Variants in BMPR1A observed in about 807,000 individuals in gnomAD.
BMPR1A encodes the protein bone morphogenetic protein receptor type 1A, also known as bone morphogenetic protein receptor type-1A.
A neutral mutation model predicts 66.0 loss-of-function variants in BMPR1A; 7 were observed. The observed-to-expected ratio is 0.11, with a 90% CI of 0.06 to 0.20. BMPR1A has a LOEUF of 0.20. BMPR1A is among the 10% of genes least tolerant of loss of function. The pLI is 1.00. For missense variants in BMPR1A, 408 were observed against 669.1 expected, an observed-to-expected ratio of 0.61 and a Z score of 4.31; for synonymous variants, 200 against 229.7, an observed-to-expected ratio of 0.87 and a Z score of 1.17.
intron 1 of BMPR1A, among the ~76,000 whole-genome samples, chr10:86,764,619 G>C (rs1193019121): frequency 1.3e-5 from 2 of 152,090 alleles, no homozygotes; most frequent in Non-Finnish European, 1.5e-5. Flanking sequence ...ATCTTGGACT[G>C]GTCTCCTGCT....
chr10:86,914,474 G>A (rs543552242), intron 8 of BMPR1A, among the ~76,000 whole-genome samples: 1 of 152,090 alleles, frequency 6.6e-6, no homozygotes, highest in Non-Finnish European at 1.5e-5. Flanking sequence ...TGGCAAAACA[G>A]ATCTGATACA....
chr10:86,868,716 A>G (rs1358154565), intron 2 of BMPR1A, among the ~76,000 whole-genome samples: 1 of 151,832 alleles, frequency 6.6e-6, no homozygotes, highest in Non-Finnish European at 1.5e-5. Flanking sequence ...GCTTAACAGG[A>G]AGAGGAAGGA....
chr10:86,804,792 G>GTTTTTTTT (rs5786747), intron 1 of BMPR1A, among the ~76,000 whole-genome samples: 5 of 57,254 alleles, frequency 8.7e-5, no homozygotes, highest in Admixed American at 1.8e-4. Context: ...GTTTGTAGGT[G>GTTTTTTTT]TTTTTTTTTT....
intron 1 of BMPR1A, among the ~76,000 whole-genome samples, chr10:86,797,039 T>C (rs1430235211): frequency 1.3e-5 from 2 of 150,616 alleles, no homozygotes; most frequent in African/African-American, 4.9e-5. Context: ...GTTTATACTC[T>C]TATTTTTCCT....
intron 1 of BMPR1A, among the ~76,000 whole-genome samples, chr10:86,828,145 C>G (rs554357441): frequency 2.6e-5 from 4 of 152,320 alleles, no homozygotes; most frequent in Admixed American, 2.6e-4. Context: ...GAGTGAGACT[C>G]TGTCTCAAGG....
At chr10:86,806,730 T>TA (rs1219959880) in intron 1 of BMPR1A, among the ~76,000 whole-genome samples, 7 of 151,934 alleles carry the variant, frequency 4.6e-5, no homozygotes, top group Admixed American at 3.9e-4. Flanking sequence ...TTTTTTTTTT[T>TA]AAAGTATAAA....
At chr10:86,846,125 A>G (rs528073224) in intron 2 of BMPR1A, among the ~76,000 whole-genome samples, 4 of 152,302 alleles carry the variant, frequency 2.6e-5, no homozygotes, top group African/African-American at 9.6e-5. Flanking sequence ...AGAATGCTCT[A>G]AGAGCCCTCA....
chr10:86,881,177 G>A (rs1479036696), intron 3 of BMPR1A, among the ~76,000 whole-genome samples: 1 of 152,180 alleles, frequency 6.6e-6, no homozygotes, highest in Admixed American at 6.5e-5. Flanking sequence ...GGAGCTTGAG[G>A]CTGCAGTGAA....
chr10:86,792,709 A>C (rs1439268149), intron 1 of BMPR1A, among the ~76,000 whole-genome samples: 1 of 152,212 alleles, frequency 6.6e-6, no homozygotes, highest in Non-Finnish European at 1.5e-5. Context: ...AGCAATTACT[A>C]TATGCAGGGC....
intron 2 of BMPR1A, chr10:86,856,123 T>G: frequency 1.9e-6 from 1 of 521,444 alleles, no homozygotes; most frequent in South Asian, 1.5e-5. Flanking sequence ...TTTATTGGTT[T>G]TGAAATTTTA....
intron 1 of BMPR1A, among the ~76,000 whole-genome samples, chr10:86,791,850 T>C (rs764778528): frequency 4.7e-5 from 7 of 148,618 alleles, no homozygotes; most frequent in Non-Finnish European, 7.4e-5. Flanking sequence ...CCTTCCCGAG[T>C]AGCTGGGACT....
At chr10:86,911,997 T>G (rs1843496458) in intron 7 of BMPR1A, among the ~76,000 whole-genome samples, 1 of 152,224 alleles carries the variant, frequency 6.6e-6, no homozygotes, top group African/African-American at 2.4e-5. Context: ...ACTTCACATC[T>G]GATTTTGATA....
At chr10:86,855,311 C>T (rs1842625918) in intron 2 of BMPR1A, 3 of 983,228 alleles carry the variant, frequency 3.1e-6, no homozygotes, top group Middle Eastern at 2.3e-4. Flanking sequence ...ATCAAAGTCT[C>T]CTTCAAAACT....
Position 86,890,142 on chromosome 10 carries a change from T to C in BMPR1A, c.148T>C (p.Leu50=), listed in dbSNP as rs964544915. The change falls in exon 4 of 13, where the codon TTA becomes CTA. Residue 50 remains leucine (L), a synonymous_variant. Coordinates refer to ENST00000372037, the MANE Select transcript of BMPR1A (RefSeq NM_004329.3). ...DQKKSENGVT[L]APEDTLPFLK... is the part of the protein sequence containing the mutation. ...GAAAAAGTCAGAAAATGGAGTAACC[T>C]TAGCACCAGAGGATACCTTGCCTTT... 3.1e-6 allele frequency: 5 copies of C among 1,614,132 alleles called. No homozygotes were observed. Among genetic ancestry groups the C allele is most frequent in the Non-Finnish European group, 4.2e-6 (5 of 1,180,008 alleles).
intron 2 of BMPR1A, chr10:86,855,703 C>T: frequency 1.3e-6 from 1 of 751,600 alleles, no homozygotes; most frequent in Non-Finnish European, 2.3e-6. Flanking sequence ...CCACTACTGT[C>T]TGTTCTTTGT....
At chr10:86,890,481 GTTT>G (rs1162950296) in intron 4 of BMPR1A, among the ~76,000 whole-genome samples, 1 of 151,740 alleles carries the variant, frequency 6.6e-6, no homozygotes, top group Non-Finnish European at 1.5e-5. Context: ...TAACATCTGA[GTTT>G]TTAATGATCT....
At chr10:86,883,491 A>G in intron 3 of BMPR1A, among the ~76,000 whole-genome samples, 1 of 136,408 alleles carries the variant, frequency 7.3e-6, no homozygotes, top group East Asian at 2.6e-4. Flanking sequence ...CGGAGCTTGT[A>G]GTGAGCCGAG....
rs7916903 is a variant in BMPR1A at position 86,766,506 on chromosome 10, G to A, written c.-268+9587G>A. On this transcript the variant is annotated intron_variant, in intron 1 of 12. Coordinates refer to ENST00000372037, the MANE Select transcript of BMPR1A (RefSeq NM_004329.3). Reference sequence around the variant, plus strand: ...AAATGCATTTACTATAAGAGAAGCCGTGCAGATTGGATGGAAAGTGCCAAG... The same window carrying A: ...AAATGCATTTACTATAAGAGAAGCCATGCAGATTGGATGGAAAGTGCCAAG... 0.51 allele frequency among the ~76,000 whole-genome samples: 77,382 copies of A among 151,964 alleles called. 20,720 individuals are homozygous for A. The highest frequency in any genetic ancestry group is 0.73 in the East Asian group (3,758 of 5,172).
chr10:86,882,966 A>T (rs182419466), intron 3 of BMPR1A, among the ~76,000 whole-genome samples: 1 of 152,262 alleles, frequency 6.6e-6, no homozygotes, highest in East Asian at 1.9e-4. Flanking sequence ...CGCCATCTCA[A>T]AAAACAAACA....
Sources: allele counts gnomAD v4.1 joint callset (sites outside exome capture counted in the v4.1 genomes callset), GRCh38; gene constraint gnomAD v4.1.1; transcripts MANE v1.5; gene names NCBI Gene and HGNC (gene_info 2026-07-23, HGNC 2026-07-21).